APOL3: variants seen among roughly 807,000 people sequenced by gnomAD.
APOL3 encodes the protein TNF-inducible protein CG12-1.
In APOL3, 14 loss-of-function variants were observed where a neutral mutation model predicts 11.6. That is an observed-to-expected ratio of 1.21 (90% CI 0.80 to 1.89). APOL3 has a LOEUF of 1.89. Among genes scored for constraint, APOL3 ranks in the 40% most tolerant of loss-of-function variants. The pLI is 0.00. For missense variants in APOL3, 483 were observed against 492.1 expected (o/e 0.98, Z 0.17); for synonymous variants, 192 against 190.6 (o/e 1.01, Z -0.06).
chr22:36,155,542 G>T (rs2012633606), intron 1 of APOL3, among the ~76,000 whole-genome samples: 1 of 152,098 alleles, frequency 6.6e-6, no homozygotes, highest in Non-Finnish European at 1.5e-5. Flanking sequence ...GGGTTTCTGG[G>T]TGCTTCTTGC....
chr22:36,144,788 T>A (rs1366780247), intron 2 of APOL3, among the ~76,000 whole-genome samples: 1 of 151,846 alleles, frequency 6.6e-6, no homozygotes, highest in East Asian at 1.9e-4. Context: ...GGCGGGAGGA[T>A]CACGAGGTCA....
At chr22:36,159,040 T>C (rs1427884174) in intron 1 of APOL3, among the ~76,000 whole-genome samples, 1 of 152,044 alleles carries the variant, frequency 6.6e-6, no homozygotes, top group Admixed American at 6.5e-5. Context: ...TTTTATTTGG[T>C]TGCCAGCATG....
exon 3 of APOL3, chr22:36,141,625 G>C: frequency 1.2e-6 from 2 of 1,614,138 alleles, no homozygotes; most frequent in Non-Finnish European, 1.7e-6. Context: ...ACCTTCAATC[G>C]GTCAATGCTG....
At chr22:36,150,056 C>G in intron 1 of APOL3, 1 of 375,070 alleles carries the variant, frequency 2.7e-6, no homozygotes, top group Admixed American at 3.2e-5. Flanking sequence ...AAGCAATCCT[C>G]CTGCCTGAGC....
At position 36,156,787 on chromosome 22, in the gene APOL3, C is replaced by T. The variant is rs372696031; in HGVS notation, c.223+3882G>A. The T allele has an allele frequency of 1.8e-4, 62 of 347,298 alleles. No individual in the cohort carries two copies. The East Asian group carries it at 4.5e-3, about 25-fold the overall frequency. 21.5% of individuals were successfully genotyped at this position (347,298 alleles called of 1,614,324 possible). A position where few individuals can be genotyped will look rare whatever the true frequency, so the allele number is the denominator to read the frequency against. On this transcript the variant is annotated intron_variant, in intron 1 of 2. Transcript: ENST00000349314. ...TTTGGGCCTCTGTCTCCCCGTTAAA[C>T]TCTGAGCATCCGGCAGGGACCCTGC...
chr22:36,141,629 A>C, exon 3 of APOL3: 1 of 1,614,166 alleles, frequency 6.2e-7, no homozygotes, highest in Non-Finnish European at 8.5e-7. Context: ...TCAATCGGTC[A>C]ATGCTGGTTG....
intron 1 of APOL3, among the ~76,000 whole-genome samples, chr22:36,158,680 G>A (rs886679950): frequency 2.0e-5 from 3 of 152,062 alleles, no homozygotes; most frequent in Admixed American, 1.3e-4. Context: ...TTAGCCGGGC[G>A]TGGTGGCACG....
At position 36,149,973 on chromosome 22, in the gene APOL3, A is replaced by G. The variant is rs1357476810; in HGVS notation, c.224-4374T>C. The G allele has an allele frequency of 1.4e-5, 6 of 438,874 alleles. No individual in the cohort carries two copies. In the East Asian group the frequency reaches 4.2e-4, roughly 31 times the overall value. The allele number at this position is 438,874 out of a possible 1,614,324, so 27.2% of individuals were successfully genotyped here. On this transcript the variant is annotated intron_variant, in intron 1 of 2. Transcript: ENST00000349314. ...AGGTACATACCACCACGCTAGGCAC[A>G]TTAAAAAAAAATTTTTTTTAGAAAT...
At chr22:36,160,574 T>C in intron 1 of APOL3, 95 bp downstream of exon 1, 1 of 1,344,418 alleles carries the variant, frequency 7.4e-7, no homozygotes, top group South Asian at 1.2e-5. Flanking sequence ...TTACCTAACC[T>C]CTCTGAGCTC....
chr22:36,144,956 G>A (rs132627), intron 2 of APOL3, among the ~76,000 whole-genome samples: 93,399 of 146,956 alleles, frequency 0.64, 30,028 homozygotes, highest in Middle Eastern at 0.75. Context: ...GGTTGCGGTG[G>A]GCCGAGATCA....
chr22:36,141,744 G>C (rs748464395), exon 3 of APOL3: 1 of 1,614,094 alleles, frequency 6.2e-7, no homozygotes, highest in East Asian at 2.2e-5. Context: ...CCCTACCCCA[G>C]CTGCAGTAAG....
exon 2 of APOL3, chr22:36,145,590 C>A: frequency 6.2e-7 from 1 of 1,613,422 alleles, no homozygotes; most frequent in Non-Finnish European, 8.5e-7. Flanking sequence ...TTCAGTAAAG[C>A]GTTTCTTTTC....
chr22:36,148,706 C>T (rs1313177467), intron 1 of APOL3, among the ~76,000 whole-genome samples: 1 of 152,164 alleles, frequency 6.6e-6, no homozygotes, highest in Admixed American at 6.5e-5. Context: ...CCTCTCTCAG[C>T]CCTCCGCACC....
intron 1 of APOL3, among the ~76,000 whole-genome samples, chr22:36,146,780 G>T (rs955830868): frequency 6.6e-6 from 1 of 152,004 alleles, no homozygotes; most frequent in African/African-American, 2.4e-5. Flanking sequence ...CCTTAAATGG[G>T]ATACATAATA....
chr22:36,158,501 G>A lies in APOL3; in HGVS notation c.223+2168C>T, dbSNP rs146607395. Among the ~76,000 whole-genome samples the A allele has an allele frequency of 2.7e-3, 407 of 152,192 alleles. 3 individuals carry two copies. The highest frequency in any genetic ancestry group is 6.8e-3 in the Middle Eastern group (2 of 294). On this transcript the variant is annotated intron_variant, in intron 1 of 2. Transcript: ENST00000349314. ...AAATCTCCTGCCATAGGGAGTAGGC[G>A]GGTCCCTAACACTATGCCCATTAAG... is the stretch of plus-strand genomic sequence containing the variant.
At chr22:36,152,310 T>C (rs2011874618) in intron 1 of APOL3, among the ~76,000 whole-genome samples, 2 of 152,204 alleles carry the variant, frequency 1.3e-5, no homozygotes, top group African/African-American at 4.8e-5. Context: ...CAGCAAAACA[T>C]GTGCAACCAT....
chr22:36,147,942 T>A (rs2146795544), intron 1 of APOL3, among the ~76,000 whole-genome samples: 1 of 152,190 alleles, frequency 6.6e-6, no homozygotes, highest in East Asian at 1.9e-4. Context: ...AAAACTTAAC[T>A]TCGGCCAGTC....
chr22:36,155,342 C>T (rs977892003), intron 1 of APOL3, among the ~76,000 whole-genome samples: 4 of 152,160 alleles, frequency 2.6e-5, no homozygotes, highest in Admixed American at 6.5e-5. Flanking sequence ...CAGTGGTTCC[C>T]GGGACCCCCT....
chr22:36,151,313 A>C (rs1462639327), intron 1 of APOL3, among the ~76,000 whole-genome samples: 1 of 152,224 alleles, frequency 6.6e-6, no homozygotes, highest in Non-Finnish European at 1.5e-5. Context: ...AAAATGGGGA[A>C]AAGGTCAAGA....
Sources: gnomAD v4.1 joint callset for allele counts (sites outside exome capture counted in the v4.1 genomes callset) on GRCh38, gnomAD v4.1.1 for gene constraint, MANE v1.5 for transcripts, NCBI Gene and HGNC (gene_info 2026-07-23, HGNC 2026-07-21) for gene names.